Variants in GLI2 observed in about 807,000 individuals in gnomAD.
The protein encoded by GLI2 is transcription activator GLI2.
Under a neutral mutation model 78.9 loss-of-function variants are expected in GLI2, and 22 were observed. That is an observed-to-expected ratio of 0.28 (90% CI 0.20 to 0.40). GLI2 has a LOEUF of 0.40. GLI2 is among the 10% of genes least tolerant of loss of function. The pLI is 1.00. For synonymous variants in GLI2, 974 were observed against 963.7 expected, an observed-to-expected ratio of 1.01 and a Z score of -0.20; for missense variants, 2,097 against 2,213.2, an observed-to-expected ratio of 0.95 and a Z score of 1.05.
At chr2:120,959,424 C>G (rs989688837) in intron 5 of GLI2, among the ~76,000 whole-genome samples, 5 of 152,220 alleles carry the variant, frequency 3.3e-5, no homozygotes, top group Non-Finnish European at 5.9e-5. Context: ...TGTTCCCAGT[C>G]AGTTACAATC....
intron 2 of GLI2, among the ~76,000 whole-genome samples, chr2:120,924,722 G>A (rs1356006943): frequency 2.0e-5 from 3 of 152,208 alleles, no homozygotes; most frequent in Admixed American, 2.0e-4. Flanking sequence ...AGCAAGCAGT[G>A]CTTGGCCCCC....
intron 1 of GLI2, among the ~76,000 whole-genome samples, chr2:120,791,610 C>G (rs1029705098): frequency 6.6e-6 from 1 of 152,206 alleles, no homozygotes; most frequent in African/African-American, 2.4e-5. Context: ...ATGTTTATCT[C>G]TCATGTATGT....
At chr2:120,761,813 G>T (rs1163859902) in intron 1 of GLI2, among the ~76,000 whole-genome samples, 1 of 152,198 alleles carries the variant, frequency 6.6e-6, no homozygotes, top group Admixed American at 6.5e-5. Context: ...GCCAAGGACA[G>T]CTTTCTTGGT....
intron 4 of GLI2, among the ~76,000 whole-genome samples, chr2:120,953,952 A>G (rs1681116074): frequency 6.6e-6 from 1 of 152,148 alleles, no homozygotes; most frequent in Admixed American, 6.5e-5. Flanking sequence ...TGAGTTCAAG[A>G]TAAACACTGA....
In GLI2 at chr2:120,945,720, C is replaced by A. The variant is rs149397572; in HGVS notation, c.255-5523C>A. Among the ~76,000 whole-genome samples, 1,332 of 152,304 alleles carry A rather than the reference C, an allele frequency of 8.7e-3. 16 individuals carry two copies. The highest frequency in any genetic ancestry group is 0.028 in the African/African-American group (1,177 of 41,570). On this transcript the variant is annotated intron_variant, in intron 3 of 13. Coordinates refer to ENST00000361492, the MANE Select transcript of GLI2 (RefSeq NM_001374353.1). The stretch of plus-strand genomic sequence containing the variant: ...GGCCTCCAGCAGCCCCACGCTTGCA[C>A]CCTACGAGCTCAGCAACCCTTGCGG...
At chr2:120,832,058 G>C (rs1459638335) in intron 2 of GLI2, among the ~76,000 whole-genome samples, 2 of 152,212 alleles carry the variant, frequency 1.3e-5, no homozygotes, top group African/African-American at 4.8e-5. Flanking sequence ...ACACAGCATG[G>C]TACTTGCTTG....
Position 120,737,109 on chromosome 2 carries a change from T to G in GLI2, c.-31+824T>G, listed in dbSNP as rs927642845. ...CTACTGCAACTTGATCTGTATGTGA[T>G]GGATGGGGAGAGGCGCGGAGAGAGT... On this transcript the variant is annotated intron_variant, in intron 1 of 13. Transcript: ENST00000361492. This position sits in a 1 kb window ranked among gnomAD's most constrained non-coding sequence, Gnocchi z 4.3. Among the ~76,000 whole-genome samples, 1 of 152,084 alleles carries G rather than the reference T, an allele frequency of 6.6e-6. No individual in the cohort carries two copies. The highest frequency in any genetic ancestry group is 2.4e-5 in the African/African-American group (1 of 41,414).
At chr2:120,811,403 A>G (rs1232517332) in intron 2 of GLI2, among the ~76,000 whole-genome samples, 1 of 152,142 alleles carries the variant, frequency 6.6e-6, no homozygotes, top group Non-Finnish European at 1.5e-5. Context: ...AGGGTACACA[A>G]AGTGCTCCCT....
chr2:120,781,040 T>C (rs1683831546), intron 1 of GLI2, among the ~76,000 whole-genome samples: 2 of 152,182 alleles, frequency 1.3e-5, no homozygotes, highest in Non-Finnish European at 1.5e-5. Context: ...TCTTCCACTC[T>C]GCATGGGCCC....
chr2:120,955,536 G>A, intron 5 of GLI2, 106 bp downstream of exon 5: 1 of 761,178 alleles, frequency 1.3e-6, no homozygotes, highest in Non-Finnish European at 2.1e-6. Context: ...TTAAGGAGAG[G>A]TCGGGCTGTA....
intron 2 of GLI2, among the ~76,000 whole-genome samples, chr2:120,806,387 C>G (rs1256343907): frequency 6.6e-6 from 1 of 152,156 alleles, no homozygotes; most frequent in African/African-American, 2.4e-5. Context: ...CTTCTAGGAG[C>G]TTCCAGTTAG....
intron 1 of GLI2, among the ~76,000 whole-genome samples, chr2:120,741,713 C>T (rs1202182396): frequency 6.6e-6 from 1 of 152,066 alleles, no homozygotes; most frequent in Non-Finnish European, 1.5e-5. Flanking sequence ...CGAGCGGCGC[C>T]GACCGTGCCG....
At position 120,989,093 on chromosome 2, in the gene GLI2, T is replaced by C. The variant is rs1307819952; in HGVS notation, c.3128T>C (p.Leu1043Pro). 1 of 1,612,318 alleles carries C rather than the reference T, an allele frequency of 6.2e-7. No homozygotes were observed. Among genetic ancestry groups the C allele is most frequent in the African/African-American group, 1.3e-5 (1 of 74,938 alleles). The change falls in exon 14 of 14, where the codon CTG (leucine) becomes CCG (proline). Residue 1043 changes from leucine to proline, a missense_variant. Leu to Pro is a moderately conservative substitution (Grantham distance 98). Around this residue, in one of 5 missense-constraint regions of GLI2, gnomAD observed 1,290 missense variants for 1,261.7 expected, o/e 1.02. Coordinates refer to ENST00000361492, the MANE Select transcript of GLI2 (RefSeq NM_001374353.1). Reference sequence around the variant, plus strand: ...GACCTGGGGCTGCCGGAGGACGACCTGGTGCTTCCAGACGACGTGGTGCAG... The same window carrying C: ...GACCTGGGGCTGCCGGAGGACGACCCGGTGCTTCCAGACGACGTGGTGCAG... ...EADLGLPEDD[L>P]VLPDDVVQYI... is the part of the protein sequence containing the mutation.
rs146928736 is a variant in GLI2, at chr2:120,752,005, G to A, written c.-31+15720G>A. Among the ~76,000 whole-genome samples, 258 of 152,324 alleles carry A rather than the reference G, an allele frequency of 1.7e-3. 3 individuals are homozygous for A. The highest frequency in any genetic ancestry group is 6.1e-3 in the African/African-American group (252 of 41,560). On this transcript the variant is annotated intron_variant, in intron 1 of 13. Transcript: ENST00000361492. Reference sequence around the variant, plus strand: ...TACAAAAGGTTAAACCTGCAGAAATGTATAGTGTTGAGTGAGCACGACCCC... The same window carrying A: ...TACAAAAGGTTAAACCTGCAGAAATATATAGTGTTGAGTGAGCACGACCCC...
chr2:120,883,146 T>C (rs1677236166), intron 2 of GLI2, among the ~76,000 whole-genome samples: 1 of 152,214 alleles, frequency 6.6e-6, no homozygotes, highest in African/African-American at 2.4e-5. Context: ...TTTAGCCTTT[T>C]GTTTGCATCT....
At chr2:120,903,860 G>A (rs1172133097) in intron 2 of GLI2, among the ~76,000 whole-genome samples, 1 of 152,184 alleles carries the variant, frequency 6.6e-6, no homozygotes, top group Non-Finnish European at 1.5e-5. Flanking sequence ...GATCCAGAGG[G>A]ATGAAGACCA....
intron 1 of GLI2, among the ~76,000 whole-genome samples, chr2:120,748,210 C>T (rs1352036681): frequency 6.6e-6 from 1 of 152,256 alleles, no homozygotes; most frequent in African/African-American, 2.4e-5. Flanking sequence ...GGTCTGTTTT[C>T]CTGGCTCCAG....
chr2:120,785,783 T>C (rs1558794824), intron 1 of GLI2, among the ~76,000 whole-genome samples: 1 of 152,202 alleles, frequency 6.6e-6, no homozygotes, highest in Non-Finnish European at 1.5e-5. Flanking sequence ...GGCATAACAC[T>C]GTACTCCCTG....
chr2:120,817,183 C>T (rs576498192), intron 2 of GLI2, among the ~76,000 whole-genome samples: 3 of 152,332 alleles, frequency 2.0e-5, no homozygotes, highest in South Asian at 4.1e-4. Context: ...GCCATCCTTC[C>T]TCCTAATCCC....
Sources: allele counts gnomAD v4.1 joint callset (sites outside exome capture counted in the v4.1 genomes callset), GRCh38; gene constraint gnomAD v4.1.1; regional missense constraint gnomAD v4.1.1; non-coding constraint Gnocchi (gnomAD v3.1); transcripts MANE v1.5; gene names NCBI Gene and HGNC (gene_info 2026-07-23, HGNC 2026-07-21).